The following LRP1B variants were observed in gnomAD, a reference collection of about 807,000 sequenced individuals.
The protein encoded by LRP1B is LDL receptor related protein 1B.
A neutral mutation model predicts 556.6 loss-of-function variants in LRP1B; 217 were observed. The observed-to-expected ratio is 0.39, with a 90% CI of 0.35 to 0.44. The LOEUF is 0.44. Among genes scored for constraint, LRP1B ranks in the 20% least tolerant of loss-of-function variants. The pLI is 1.00. For synonymous variants in LRP1B, 2,047 were observed against 1,865.8 expected (o/e 1.10, Z -2.50); for missense variants, 5,053 against 5,620.8 (o/e 0.90, Z 3.23).
At chr2:140,604,879 C>G (rs950595524) in intron 41 of LRP1B, among the ~76,000 whole-genome samples, 2 of 152,110 alleles carry the variant, frequency 1.3e-5, no homozygotes, top group Non-Finnish European at 2.9e-5. Flanking sequence ...AGCAGTTCCA[C>G]TGCACACACC....
At chr2:140,886,423 A>G (rs1164137313) in intron 23 of LRP1B, 88 bp from the exon 24 acceptor site, 11 of 684,340 alleles carry the variant, frequency 1.6e-5, no homozygotes, top group Non-Finnish European at 2.3e-5. Flanking sequence ...ATTTAAAAGT[A>G]TAATTTATTA....
chr2:140,417,525 CAGG>C (rs1414897277), intron 66 of LRP1B, among the ~76,000 whole-genome samples: 1 of 152,158 alleles, frequency 6.6e-6, no homozygotes, highest in Admixed American at 6.5e-5. Flanking sequence ...ATACATTTTT[CAGG>C]AGGATGTGCA....
At chr2:141,760,173 T>C (rs997426223) in intron 2 of LRP1B, among the ~76,000 whole-genome samples, 1 of 152,188 alleles carries the variant, frequency 6.6e-6, no homozygotes, top group African/African-American at 2.4e-5. Context: ...ACATCTCTTG[T>C]AATGTTCATT....
intron 59 of LRP1B, among the ~76,000 whole-genome samples, chr2:140,484,280 A>T (rs1045043862): frequency 2.0e-5 from 3 of 152,232 alleles, no homozygotes; most frequent in African/African-American, 7.2e-5. Context: ...TAATGTATAC[A>T]GTTAAGCTAT....
chr2:141,679,032 T>G (rs1462948764), intron 2 of LRP1B, among the ~76,000 whole-genome samples: 1 of 152,192 alleles, frequency 6.6e-6, no homozygotes, highest in Admixed American at 6.5e-5. Flanking sequence ...ACTCTCTTGC[T>G]TGCTTTGAAT....
intron 82 of LRP1B, among the ~76,000 whole-genome samples, chr2:140,320,401 G>T (rs1680041867): frequency 6.6e-6 from 1 of 152,138 alleles, no homozygotes; most frequent in Non-Finnish European, 1.5e-5. Flanking sequence ...GTAACCTTCA[G>T]CAGAGAACAA....
At chr2:140,629,809 A>G (rs938981503) in intron 41 of LRP1B, among the ~76,000 whole-genome samples, 2 of 152,202 alleles carry the variant, frequency 1.3e-5, no homozygotes, top group Non-Finnish European at 2.9e-5. Flanking sequence ...TTTTTCCTAG[A>G]GATCTGGATT....
intron 1 of LRP1B, among the ~76,000 whole-genome samples, chr2:142,104,996 G>T (rs1706696188): frequency 6.6e-6 from 1 of 152,092 alleles, no homozygotes; most frequent in Non-Finnish European, 1.5e-5. Context: ...CTACCCTCAA[G>T]GAGTTCACAG....
At chr2:141,762,159 T>C (rs1022643369) in intron 2 of LRP1B, among the ~76,000 whole-genome samples, 12 of 151,970 alleles carry the variant, frequency 7.9e-5, no homozygotes, top group Non-Finnish European at 1.2e-4. Flanking sequence ...GAGAAAAAAG[T>C]AGGAAAAATA....
intron 5 of LRP1B, among the ~76,000 whole-genome samples, chr2:141,243,261 T>A (rs933907205): frequency 6.6e-6 from 1 of 151,894 alleles, no homozygotes; most frequent in Admixed American, 6.6e-5. Flanking sequence ...GGCAGGAGGA[T>A]TGTTTGAGGC....
At chr2:141,997,415 ATGTGTGTGTGTGTG>A (rs138233497) in intron 1 of LRP1B, among the ~76,000 whole-genome samples, 3 of 138,356 alleles carry the variant, frequency 2.2e-5, no homozygotes, top group Non-Finnish European at 3.1e-5. Flanking sequence ...AAATGTATAT[ATGTGTGTGTGTGTG>A]TGTGTGTGTG....
intron 43 of LRP1B, among the ~76,000 whole-genome samples, chr2:140,571,813 A>G (rs1388635478): frequency 2.0e-5 from 3 of 151,772 alleles, no homozygotes; most frequent in African/African-American, 7.3e-5. Context: ...CAATTAGACC[A>G]ATGCAACAAC....
intron 2 of LRP1B, among the ~76,000 whole-genome samples, chr2:141,778,019 A>T (rs1299925477): frequency 6.6e-6 from 1 of 152,212 alleles, no homozygotes; most frequent in Non-Finnish European, 1.5e-5. Context: ...ACATGCAATG[A>T]TAAGTAAGCT....
chr2:141,728,943 G>C (rs910513691), intron 2 of LRP1B, among the ~76,000 whole-genome samples: 1 of 152,114 alleles, frequency 6.6e-6, no homozygotes, highest in African/African-American at 2.4e-5. Context: ...TAGGTGGAGA[G>C]GGGGGTGCCA....
chr2:141,327,080 C>T (rs932196097), intron 3 of LRP1B, among the ~76,000 whole-genome samples: 3 of 151,912 alleles, frequency 2.0e-5, no homozygotes, highest in African/African-American at 7.3e-5. Context: ...CTGTATGTGG[C>T]TATAAAAAGA....
At chr2:141,418,470 A>G (rs925531949) in intron 3 of LRP1B, among the ~76,000 whole-genome samples, 1 of 147,926 alleles carries the variant, frequency 6.8e-6, no homozygotes. Context: ...CCAGTTACTC[A>G]ACATCATTTG....
At chr2:141,743,486 C>CTTTT (rs765968445) in intron 2 of LRP1B, among the ~76,000 whole-genome samples, 74 of 108,024 alleles carry the variant, frequency 6.9e-4, no homozygotes, top group African/African-American at 1.4e-3. Flanking sequence ...CTGCTTTTTT[C>CTTTT]TTTTTTTTTT....
At chr2:140,475,736 A>T (rs1308957413) in intron 59 of LRP1B, among the ~76,000 whole-genome samples, 1 of 151,818 alleles carries the variant, frequency 6.6e-6, no homozygotes, top group Non-Finnish European at 1.5e-5. Flanking sequence ...ATTCAAAAGG[A>T]ATTATGGAGG....
At chr2:141,607,499 C>A (rs1008955768) in intron 2 of LRP1B, among the ~76,000 whole-genome samples, 2 of 152,116 alleles carry the variant, frequency 1.3e-5, no homozygotes, top group Non-Finnish European at 2.9e-5. Context: ...TCCACCCTAC[C>A]CCATCCCCTC....
Sources: gnomAD v4.1 joint callset for allele counts (sites outside exome capture counted in the v4.1 genomes callset) on GRCh38, gnomAD v4.1.1 for gene constraint, MANE v1.5 for transcripts, NCBI Gene and HGNC (gene_info 2026-07-23, HGNC 2026-07-21) for gene names.